Variants in PIP5K1B observed in about 807,000 individuals in gnomAD.
PIP5K1B encodes phosphatidylinositol-4-phosphate 5-kinase type 1 beta.
PIP5K1B carries 42 observed loss-of-function variants against 67.0 expected under a neutral mutation model. The ratio of observed to expected loss-of-function variants is 0.63; its 90% CI spans 0.49 to 0.81. The LOEUF (loss-of-function observed/expected upper bound fraction) is 0.81, where lower values mean the gene tolerates loss of function less well. Ranked by LOEUF, PIP5K1B falls within the 30% of genes least tolerant of loss-of-function variation. The pLI is 0.00. For synonymous variants in PIP5K1B, 214 were observed against 231.4 expected (o/e 0.92, Z 0.68); for missense variants, 459 against 646.3 (o/e 0.71, Z 3.14).
At chr9:68,822,978 T>C (rs1833803400) in intron 4 of PIP5K1B, among the ~76,000 whole-genome samples, 1 of 152,140 alleles carries the variant, frequency 6.6e-6, no homozygotes, top group South Asian at 2.1e-4. Context: ...CTTTTCCGGC[T>C]TCTAGAGGCT....
At chr9:68,895,000 C>T (rs780925974) in intron 8 of PIP5K1B, among the ~76,000 whole-genome samples, 2 of 151,818 alleles carry the variant, frequency 1.3e-5, no homozygotes, top group East Asian at 3.9e-4. Context: ...TAAGAAAAGC[C>T]GTATAGAAAT....
At chr9:68,775,764 T>A (rs1431084375) in intron 2 of PIP5K1B, among the ~76,000 whole-genome samples, 3 of 152,242 alleles carry the variant, frequency 2.0e-5, no homozygotes, top group Non-Finnish European at 2.9e-5. Context: ...TTTGGCTGTT[T>A]GGGGACTTCA....
chr9:68,707,729 TC>T (rs1239678068), intron 1 of PIP5K1B: 1 of 152,134 alleles, frequency 6.6e-6, no homozygotes. Context: ...TATTCTGCCA[TC>T]ATTTCAGTTC....
intron 6 of PIP5K1B, among the ~76,000 whole-genome samples, chr9:68,886,827 C>A (rs1824501386): frequency 6.6e-6 from 1 of 152,194 alleles, no homozygotes; most frequent in African/African-American, 2.4e-5. Context: ...TTTCGGCCCC[C>A]TTAGAGAAAA....
At chr9:68,791,300 A>G (rs1387347269) in intron 2 of PIP5K1B, among the ~76,000 whole-genome samples, 1 of 152,232 alleles carries the variant, frequency 6.6e-6, no homozygotes, top group Non-Finnish European at 1.5e-5. Flanking sequence ...TGGGAGTGAC[A>G]AGTAGCTGTT....
intron 14 of PIP5K1B, among the ~76,000 whole-genome samples, chr9:68,984,619 G>T (rs146709832): frequency 0.015 from 2,264 of 152,188 alleles, 29 homozygotes; most frequent in Non-Finnish European, 0.023. Context: ...ATTGTTGGAA[G>T]CTTAAGTAGC....
intron 14 of PIP5K1B, among the ~76,000 whole-genome samples, chr9:68,968,435 G>A (rs1217768516): frequency 2.7e-5 from 4 of 146,614 alleles, no homozygotes; most frequent in East Asian, 2.0e-4. Flanking sequence ...CAGGAGAATC[G>A]TTTCAATCTG....
At chr9:68,895,823 G>A (rs1318745121) in intron 8 of PIP5K1B, among the ~76,000 whole-genome samples, 1 of 151,920 alleles carries the variant, frequency 6.6e-6, no homozygotes, top group Admixed American at 6.6e-5. Flanking sequence ...AATTCTCTCA[G>A]CAATTCTTTG....
In PIP5K1B at chr9:68,746,076, CTT is replaced by C. The variant is rs11306038; in HGVS notation, c.-86+3438_-86+3439del. On this transcript the variant is annotated intron_variant, in intron 2 of 15. Coordinates refer to ENST00000265382, the MANE Select transcript of PIP5K1B (RefSeq NM_003558.4). ...ATGTCTCTCTTCTTTTGTGTTAACTCTTTTTTTTTTTTTTTTTTTTGAGACAT... is the reference window on the plus strand; with the variant it reads ...ATGTCTCTCTTCTTTTGTGTTAACTCTTTTTTTTTTTTTTTTTTGAGACAT... 4.3e-3 allele frequency among the ~76,000 whole-genome samples: 465 copies of C among 107,076 alleles called. 2 individuals carry two copies. The highest frequency in any genetic ancestry group is 0.039 in the East Asian group (135 of 3,426). The allele number at this position is 107,076 out of a possible 152,430, so 70.2% of individuals were successfully genotyped here.
At chr9:68,851,989 G>A (rs1322153590) in intron 4 of PIP5K1B, among the ~76,000 whole-genome samples, 3 of 152,170 alleles carry the variant, frequency 2.0e-5, no homozygotes, top group African/African-American at 4.8e-5. Context: ...AATTTGGAAG[G>A]AATTTAAGAG....
intron 7 of PIP5K1B, 123 bp downstream of exon 7, chr9:68,889,256 G>T: frequency 1.4e-6 from 1 of 695,462 alleles, no homozygotes; most frequent in South Asian, 2.0e-5. Flanking sequence ...GCTTTATTCT[G>T]CATTTAAATT....
intron 13 of PIP5K1B, among the ~76,000 whole-genome samples, chr9:68,938,383 G>C (rs1024027990): frequency 6.6e-6 from 1 of 151,940 alleles, no homozygotes; most frequent in Non-Finnish European, 1.5e-5. Context: ...GATCTTTGTT[G>C]GTTTAAAGTC....
At chr9:68,988,043 G>C (rs1033041922) in intron 14 of PIP5K1B, among the ~76,000 whole-genome samples, 10 of 152,040 alleles carry the variant, frequency 6.6e-5, no homozygotes, top group Admixed American at 2.0e-4. Flanking sequence ...TTATATAAAA[G>C]GATGTCCTTG....
chr9:68,999,962 CG>C (rs1236943531), intron 15 of PIP5K1B, among the ~76,000 whole-genome samples: 1 of 152,160 alleles, frequency 6.6e-6, no homozygotes, highest in Non-Finnish European at 1.5e-5. Flanking sequence ...CAGCAGGCGG[CG>C]GGGGTATGTC....
intron 2 of PIP5K1B, among the ~76,000 whole-genome samples, chr9:68,746,816 C>G (rs1309595289): frequency 6.6e-6 from 1 of 152,190 alleles, no homozygotes; most frequent in Non-Finnish European, 1.5e-5. Flanking sequence ...AGTTCCCAGC[C>G]CAGAATCTAT....
At chr9:68,920,513 G>C (rs936350757) in intron 11 of PIP5K1B, among the ~76,000 whole-genome samples, 8 of 151,454 alleles carry the variant, frequency 5.3e-5, no homozygotes, top group African/African-American at 1.5e-4. Flanking sequence ...GACAACAGGT[G>C]CGTGCCACGA....
chr9:68,976,533 T>C (rs1246433636), intron 14 of PIP5K1B, among the ~76,000 whole-genome samples: 2 of 152,192 alleles, frequency 1.3e-5, no homozygotes, highest in Non-Finnish European at 2.9e-5. Flanking sequence ...TTTCACATAT[T>C]GTACTGCTCC....
At chr9:68,746,097 G>A in intron 2 of PIP5K1B, among the ~76,000 whole-genome samples, 1 of 41,564 alleles carries the variant, frequency 2.4e-5, no homozygotes, top group Middle Eastern at 0.014. Context: ...TTTTTTTTTT[G>A]AGACATAGTC....
chr9:68,828,801 G>A (rs1207973337), intron 4 of PIP5K1B, among the ~76,000 whole-genome samples: 1 of 152,198 alleles, frequency 6.6e-6, no homozygotes, highest in South Asian at 2.1e-4. Flanking sequence ...GGCCGAGCAT[G>A]GTGGCTCGGT....
Sources: allele counts gnomAD v4.1 joint callset (sites outside exome capture counted in the v4.1 genomes callset), GRCh38; gene constraint gnomAD v4.1.1; transcripts MANE v1.5; gene names NCBI Gene and HGNC (gene_info 2026-07-23, HGNC 2026-07-21).